MAP2K5: variants seen among roughly 807,000 people sequenced by gnomAD.
The protein encoded by MAP2K5 is dual specificity mitogen-activated protein kinase kinase 5.
In MAP2K5, 49 loss-of-function variants were observed where a neutral mutation model predicts 83.1. The ratio of observed to expected loss-of-function variants is 0.59; its 90% CI spans 0.47 to 0.75. MAP2K5 has a LOEUF of 0.75. Among genes scored for constraint, MAP2K5 ranks in the 30% least tolerant of loss-of-function variants. The probability of loss-of-function intolerance (pLI) is 0.00; values close to 1 mark genes in which losing one functional copy is unlikely to be tolerated. For missense variants in MAP2K5, 457 were observed against 557.5 expected (o/e 0.82, Z 1.82); for synonymous variants, 202 against 191.8 (o/e 1.05, Z -0.44).
chr15:67,740,119 C>T (rs1239105173), intron 17 of MAP2K5, among the ~76,000 whole-genome samples: 1 of 152,152 alleles, frequency 6.6e-6, no homozygotes, highest in Admixed American at 6.5e-5. Flanking sequence ...AAATCTTAGC[C>T]CTGCTACTAG....
rs900768223 is a variant in MAP2K5 at position 67,746,801 on chromosome 15, G to A, written c.1075-1430G>A. Among the ~76,000 whole-genome samples the A allele has an allele frequency of 3.0e-4, 46 of 152,306 alleles. No individual in the cohort carries two copies. The highest frequency in any genetic ancestry group is 1.9e-4 in the Non-Finnish European group (13 of 68,026). On this transcript the variant is annotated intron_variant, in intron 17 of 21. Coordinates refer to ENST00000178640, the MANE Select transcript of MAP2K5 (RefSeq NM_145160.3). The surrounding 1 kb of genome is among the most constrained non-coding windows in gnomAD (Gnocchi z 4.1). Reference sequence around the variant, plus strand: ...CCAATAAGAGCAATGAGTGGGCGCCGTGTTCATTTGACAAATATATGGGAA... The same window carrying A: ...CCAATAAGAGCAATGAGTGGGCGCCATGTTCATTTGACAAATATATGGGAA...
intron 11 of MAP2K5, among the ~76,000 whole-genome samples, chr15:67,653,595 T>TA (rs34640005): frequency 2.6e-5 from 4 of 151,986 alleles, no homozygotes; most frequent in African/African-American, 7.2e-5. Flanking sequence ...CACACCCAGC[T>TA]AAAAAAAATT....
At chr15:67,752,791 A>G (rs988740710) in intron 19 of MAP2K5, among the ~76,000 whole-genome samples, 1 of 152,198 alleles carries the variant, frequency 6.6e-6, no homozygotes. Context: ...TACAGATTCA[A>G]TGTAATCATG....
In MAP2K5 at chr15:67,662,609, G is replaced by A. The variant is rs531464820; in HGVS notation, c.799-1988G>A. On this transcript the variant is annotated intron_variant, in intron 12 of 21. Transcript: ENST00000178640. ...TAAAACATGTACATTTCCTTTTATA[G>A]CAATTTATACATAAAGATTTTTTAA... Among the ~76,000 whole-genome samples the A allele has an allele frequency of 7.9e-5, 12 of 152,204 alleles. No individual in the cohort carries two copies. The South Asian group carries it at 2.5e-3, about 32-fold the overall frequency.
At chr15:67,705,238 A>G (rs1008096556) in intron 16 of MAP2K5, among the ~76,000 whole-genome samples, 14 of 152,308 alleles carry the variant, frequency 9.2e-5, no homozygotes, top group African/African-American at 3.1e-4. Context: ...CATCCTTTCT[A>G]CATTCATTTA....
chr15:67,710,290 A>G (rs527581424), intron 16 of MAP2K5, among the ~76,000 whole-genome samples: 16 of 152,216 alleles, frequency 1.1e-4, no homozygotes, highest in Non-Finnish European at 2.2e-4. Context: ...GTCTGGCTCA[A>G]TGTGCTTGGT....
At position 67,720,828 on chromosome 15, in the gene MAP2K5, T is replaced by A. The variant is rs1343484521; in HGVS notation, c.1045-7088T>A. Among the ~76,000 whole-genome samples the A allele has an allele frequency of 5.9e-5, 9 of 152,222 alleles. No homozygotes were observed. Among genetic ancestry groups the A allele is most frequent in the Admixed American group, 5.9e-4 (9 of 15,280 alleles). On this transcript the variant is annotated intron_variant, in intron 16 of 21. Coordinates refer to ENST00000178640, the MANE Select transcript of MAP2K5 (RefSeq NM_145160.3). The surrounding 1 kb of genome is among the most constrained non-coding windows in gnomAD (Gnocchi z 5.7). ...GCTGGAGTAATATTCCAGGATGATT[T>A]ATCCTCCTGCTGCACTGGGATATAA...
chr15:67,692,683 G>A (rs546276008), intron 14 of MAP2K5, 131 bp downstream of exon 14: 1 of 640,506 alleles, frequency 1.6e-6, no homozygotes, highest in African/African-American at 1.8e-5. Context: ...CCTCATCTGG[G>A]AGTGTGTTAT....
At chr15:67,732,086 T>A (rs2089235554) in intron 17 of MAP2K5, among the ~76,000 whole-genome samples, 1 of 152,148 alleles carries the variant, frequency 6.6e-6, no homozygotes, top group South Asian at 2.1e-4. Flanking sequence ...TAATGAAAAA[T>A]TGCATTTTTA....
chr15:67,597,891 T>A (rs1465360951), intron 7 of MAP2K5, among the ~76,000 whole-genome samples: 1 of 152,120 alleles, frequency 6.6e-6, no homozygotes, highest in African/African-American at 2.4e-5. Context: ...AGAAAAAGAA[T>A]CTGATATTTT....
intron 9 of MAP2K5, 42 bp downstream of exon 9, chr15:67,630,969 TCTTTC>T (rs758939954): frequency 6.2e-6 from 9 of 1,454,744 alleles, no homozygotes; most frequent in Non-Finnish European, 8.6e-6. Context: ...GATGTTCACC[TCTTTC>T]CTTTCCTCTG....
intron 1 of MAP2K5, chr15:67,546,247 CTTAAACT>C (rs2084387058): frequency 6.6e-6 from 1 of 152,298 alleles, no homozygotes; most frequent in African/African-American, 2.4e-5. Context: ...GGCTTGGAAC[CTTAAACT>C]TTAAAGTCAC....
intron 20 of MAP2K5, 77 bp from the exon 21 acceptor site, chr15:67,772,630 T>C: frequency 1.1e-6 from 1 of 879,910 alleles, no homozygotes; most frequent in Non-Finnish European, 1.7e-6. Context: ...CCAGTACAAA[T>C]AGCCATTGGT....
At chr15:67,549,814 A>C (rs1017133933) in intron 1 of MAP2K5, among the ~76,000 whole-genome samples, 5 of 152,244 alleles carry the variant, frequency 3.3e-5, no homozygotes, top group Non-Finnish European at 7.3e-5. Flanking sequence ...GTTATTAATA[A>C]AATGTGGAAA....
intron 8 of MAP2K5, among the ~76,000 whole-genome samples, chr15:67,610,982 C>T (rs2085908774): frequency 6.6e-6 from 1 of 152,074 alleles, no homozygotes; most frequent in Non-Finnish European, 1.5e-5. Context: ...GAAAAATGTT[C>T]ACACAAAATT....
chr15:67,597,926 G>A (rs577226101), intron 7 of MAP2K5, among the ~76,000 whole-genome samples: 12 of 152,160 alleles, frequency 7.9e-5, no homozygotes, highest in South Asian at 6.2e-4. Context: ...CAGTCAGGCC[G>A]GGCGTGGTCG....
At chr15:67,603,071 G>A (rs532112361) in intron 8 of MAP2K5, among the ~76,000 whole-genome samples, 2 of 150,730 alleles carry the variant, frequency 1.3e-5, no homozygotes, top group South Asian at 4.3e-4. Flanking sequence ...ATTTTAAATT[G>A]TGGTGAAATA....
At chr15:67,585,360 A>C (rs2085267235) in intron 4 of MAP2K5, among the ~76,000 whole-genome samples, 1 of 152,230 alleles carries the variant, frequency 6.6e-6, no homozygotes, top group African/African-American at 2.4e-5. Flanking sequence ...ATTTGCAAGA[A>C]ATGTAATAAA....
At chr15:67,594,538 T>G (rs1309189097) in intron 7 of MAP2K5, among the ~76,000 whole-genome samples, 3 of 152,134 alleles carry the variant, frequency 2.0e-5, no homozygotes, top group Non-Finnish European at 4.4e-5. Flanking sequence ...GAAAAACAGT[T>G]TTTTCCACTG....
Sources: allele counts gnomAD v4.1 joint callset (sites outside exome capture counted in the v4.1 genomes callset), GRCh38; gene constraint gnomAD v4.1.1; non-coding constraint Gnocchi (gnomAD v3.1); transcripts MANE v1.5; gene names NCBI Gene and HGNC (gene_info 2026-07-23, HGNC 2026-07-21).